Variants in CADPS2 observed in about 807,000 individuals in gnomAD.
CADPS2 encodes calcium-dependent secretion activator 2.
CADPS2 carries 93 observed loss-of-function variants against 172.5 expected under a neutral mutation model. That is an observed-to-expected ratio of 0.54 (90% CI 0.46 to 0.64). The LOEUF (loss-of-function observed/expected upper bound fraction) is 0.64. Among genes scored for constraint, CADPS2 ranks in the 30% least tolerant of loss-of-function variants. The pLI is 0.00. For synonymous variants in CADPS2, 546 were observed against 555.2 expected, an observed-to-expected ratio of 0.98 and a Z score of 0.23; for missense variants, 1,420 against 1,565.9, an observed-to-expected ratio of 0.91 and a Z score of 1.57.
At chr7:122,572,912 C>T (rs565925060) in intron 7 of CADPS2, among the ~76,000 whole-genome samples, 30 of 152,210 alleles carry the variant, frequency 2.0e-4, no homozygotes, top group Non-Finnish European at 3.7e-4. Context: ...CTCCATATGC[C>T]ACCTCTATTT....
intron 8 of CADPS2, among the ~76,000 whole-genome samples, chr7:122,527,617 A>AGAGAGAGAGAGAGATTGTGTGT: frequency 1.2e-5 from 1 of 83,806 alleles, no homozygotes; most frequent in Non-Finnish European, 2.6e-5. Flanking sequence ...AGAGAGAGAG[A>AGAGAGAGAGAGAGATTGTGTGT]GTGTGTGTGT....
rs118090210 is a variant in CADPS2 at position 122,557,420 on chromosome 7, T to C, written c.1336-2731A>G. ...CCTGCCAGATAGGATTTCATTATTGTAATTGGACAATTACTGCCATGCGTT... is the reference window on the plus strand; with the variant it reads ...CCTGCCAGATAGGATTTCATTATTGCAATTGGACAATTACTGCCATGCGTT... On this transcript the variant is annotated intron_variant, in intron 7 of 29. Coordinates refer to ENST00000449022, the MANE Select transcript of CADPS2 (RefSeq NM_017954.11). Among the ~76,000 whole-genome samples, 876 of 152,284 alleles carry C rather than the reference T, an allele frequency of 5.8e-3. 6 individuals carry two copies. Among genetic ancestry groups the C allele is most frequent in the Non-Finnish European group, 9.6e-3 (651 of 68,030 alleles).
intron 16 of CADPS2, 65 bp from the exon 17 acceptor site, chr7:122,438,529 A>G (rs2050950662): frequency 6.5e-7 from 1 of 1,544,184 alleles, no homozygotes; most frequent in Non-Finnish European, 8.9e-7. Flanking sequence ...AAGAAAAAAG[A>G]CAGATGTTGC....
chr7:122,322,900 A>G (rs7777226), intron 29 of CADPS2, among the ~76,000 whole-genome samples: 150,637 of 152,230 alleles, frequency 0.99, 74,544 homozygotes, highest in Middle Eastern at 1. Context: ...GACTACTAAC[A>G]GCAAGTAGTT....
chr7:122,675,156 T>C (rs1258116115), intron 2 of CADPS2, among the ~76,000 whole-genome samples: 1 of 152,222 alleles, frequency 6.6e-6, no homozygotes, highest in Non-Finnish European at 1.5e-5. Flanking sequence ...ATGAACTGTT[T>C]TACTGGATGG....
intron 16 of CADPS2, among the ~76,000 whole-genome samples, chr7:122,441,004 A>T (rs903487228): frequency 3.9e-5 from 6 of 152,214 alleles, no homozygotes; most frequent in African/African-American, 1.2e-4. Context: ...GGGGAGAAAC[A>T]TTTCTATAAT....
At chr7:122,531,277 G>A (rs2061731938) in intron 8 of CADPS2, among the ~76,000 whole-genome samples, 1 of 152,210 alleles carries the variant, frequency 6.6e-6, no homozygotes, top group African/African-American at 2.4e-5. Flanking sequence ...AAGAAGAAGA[G>A]GTGAAGTTAG....
At chr7:122,367,539 GTTTTTTTT>G (rs202155427) in intron 25 of CADPS2, among the ~76,000 whole-genome samples, 17,709 of 100,962 alleles carry the variant, frequency 0.18, 1,596 homozygotes, top group Middle Eastern at 0.23. Flanking sequence ...CCTTCCCCCA[GTTTTTTTT>G]TTTTTTTTTT....
intron 1 of CADPS2, among the ~76,000 whole-genome samples, chr7:122,797,348 T>C (rs756138460): frequency 1.8e-4 from 28 of 152,182 alleles, no homozygotes; most frequent in Non-Finnish European, 3.2e-4. Flanking sequence ...CATTACCAGG[T>C]ATATACCCAA....
At chr7:122,448,293 C>T (rs1432133403) in intron 15 of CADPS2, among the ~76,000 whole-genome samples, 1 of 152,142 alleles carries the variant, frequency 6.6e-6, no homozygotes, top group Admixed American at 6.5e-5. Context: ...AAACCATCAG[C>T]TCTCATGAGA....
At chr7:122,778,286 C>T (rs774024097) in intron 1 of CADPS2, among the ~76,000 whole-genome samples, 20 of 152,022 alleles carry the variant, frequency 1.3e-4, no homozygotes, top group Non-Finnish European at 2.6e-4. Flanking sequence ...TTTAGGGAAT[C>T]TGGTGGAAGA....
intron 1 of CADPS2, among the ~76,000 whole-genome samples, chr7:122,863,255 T>C (rs929733839): frequency 1.3e-5 from 2 of 152,170 alleles, no homozygotes; most frequent in Non-Finnish European, 2.9e-5. Flanking sequence ...TTGCTATATA[T>C]TAAAATCATA....
At chr7:122,360,487 C>G (rs2039981298) in intron 27 of CADPS2, among the ~76,000 whole-genome samples, 1 of 152,110 alleles carries the variant, frequency 6.6e-6, no homozygotes, top group Admixed American at 6.5e-5. Context: ...AGCAGTTTTT[C>G]TATAAATAGT....
chr7:122,729,495 G>A (rs1385543948), intron 2 of CADPS2, among the ~76,000 whole-genome samples: 1 of 151,524 alleles, frequency 6.6e-6, no homozygotes, highest in African/African-American at 2.4e-5. Flanking sequence ...ACAGTATATA[G>A]GAAATCCCTT....
chr7:122,870,198 T>C (rs1322570254), intron 1 of CADPS2, among the ~76,000 whole-genome samples: 1 of 152,006 alleles, frequency 6.6e-6, no homozygotes, highest in East Asian at 1.9e-4. Flanking sequence ...CCCAACTATA[T>C]GCTTCCAAAA....
chr7:122,445,651 C>T (rs984742290), intron 15 of CADPS2, among the ~76,000 whole-genome samples: 1 of 152,086 alleles, frequency 6.6e-6, no homozygotes. Flanking sequence ...GATCCCATCT[C>T]TGTAAAAGAA....
intron 6 of CADPS2, among the ~76,000 whole-genome samples, chr7:122,614,776 T>C (rs941384032): frequency 2.6e-5 from 4 of 152,208 alleles, no homozygotes; most frequent in Admixed American, 6.5e-5. Flanking sequence ...AGAATCATGG[T>C]ATCTACTGTT....
At chr7:122,579,315 C>G (rs146135921) in intron 7 of CADPS2, among the ~76,000 whole-genome samples, 2 of 151,384 alleles carry the variant, frequency 1.3e-5, no homozygotes, top group Non-Finnish European at 2.9e-5. Flanking sequence ...AAAGCACCTG[C>G]CAACAAAGAA....
At chr7:122,368,764 G>A (rs531551351) in intron 25 of CADPS2, among the ~76,000 whole-genome samples, 30 of 152,188 alleles carry the variant, frequency 2.0e-4, no homozygotes, top group Admixed American at 3.3e-4. Flanking sequence ...AGCATTCCGT[G>A]CGCCATGAGT....
Sources: gnomAD v4.1 joint callset for allele counts (sites outside exome capture counted in the v4.1 genomes callset) on GRCh38, gnomAD v4.1.1 for gene constraint, MANE v1.5 for transcripts, NCBI Gene and HGNC (gene_info 2026-07-23, HGNC 2026-07-21) for gene names.